Variants in GRAMD1B observed in about 807,000 individuals in gnomAD.
GRAMD1B encodes GRAM domain containing 1B, also known as protein Aster-B.
Under a neutral mutation model 99.7 loss-of-function variants are expected in GRAMD1B, and 37 were observed. That is an observed-to-expected ratio of 0.37 (90% CI 0.29 to 0.49). The LOEUF is 0.49. Ranked by LOEUF, GRAMD1B falls within the 20% of genes least tolerant of loss-of-function variation. The pLI is 0.98. For synonymous variants in GRAMD1B, 427 were observed against 387.6 expected (o/e 1.10, Z -1.19); for missense variants, 888 against 1,009.2 (o/e 0.88, Z 1.63).
At chr11:123,371,957 T>G (rs1946543011) in intron 1 of GRAMD1B, among the ~76,000 whole-genome samples, 1 of 152,154 alleles carries the variant, frequency 6.6e-6, no homozygotes, top group South Asian at 2.1e-4. Flanking sequence ...TCTCTAGGTA[T>G]CTGTGAACAA....
intron 2 of GRAMD1B, among the ~76,000 whole-genome samples, chr11:123,495,833 C>T (rs1208789433): frequency 6.6e-6 from 1 of 152,060 alleles, no homozygotes; most frequent in Non-Finnish European, 1.5e-5. Flanking sequence ...AACAAACTAA[C>T]AAACAAAAAC....
chr11:123,528,257 G>C (rs1943003484), intron 2 of GRAMD1B, among the ~76,000 whole-genome samples: 1 of 152,148 alleles, frequency 6.6e-6, no homozygotes, highest in Non-Finnish European at 1.5e-5. Context: ...CTTGATAGAA[G>C]CAAGATGACC....
intron 1 of GRAMD1B, among the ~76,000 whole-genome samples, chr11:123,368,258 CAAAAAAAAAAA>C (rs1024340450): frequency 1.1e-5 from 1 of 88,306 alleles, no homozygotes; most frequent in South Asian, 4.0e-4. Context: ...CATCTTAAAA[CAAAAAAAAAAA>C]AAAAAAAAAG....
At chr11:123,529,985 GA>G (rs1050598266) in intron 2 of GRAMD1B, among the ~76,000 whole-genome samples, 17 of 147,940 alleles carry the variant, frequency 1.1e-4, no homozygotes, top group African/African-American at 2.0e-4. Flanking sequence ...TTTGATTCTG[GA>G]AAAAAAAAAG....
At chr11:123,526,747 G>A (rs1453464488) in intron 2 of GRAMD1B, among the ~76,000 whole-genome samples, 2 of 152,334 alleles carry the variant, frequency 1.3e-5, no homozygotes, top group South Asian at 2.1e-4. Flanking sequence ...CTCACCTTGG[G>A]CCTTTGCAAG....
intron 2 of GRAMD1B, among the ~76,000 whole-genome samples, chr11:123,502,399 C>T (rs1422345338): frequency 1.3e-5 from 2 of 152,236 alleles, no homozygotes; most frequent in Non-Finnish European, 2.9e-5. Context: ...AGCCCCCTCT[C>T]CCTTCCCTGC....
chr11:123,420,446 G>A (rs1316345722), intron 1 of GRAMD1B, among the ~76,000 whole-genome samples: 3 of 152,178 alleles, frequency 2.0e-5, no homozygotes, highest in Non-Finnish European at 2.9e-5. Context: ...AATATGCCAT[G>A]AAAAGAATAT....
chr11:123,596,504 A>G (rs1951289918), intron 7 of GRAMD1B, among the ~76,000 whole-genome samples: 1 of 152,234 alleles, frequency 6.6e-6, no homozygotes, highest in South Asian at 2.1e-4. Flanking sequence ...TGTCCTTATC[A>G]GTATGGGGAG....
In GRAMD1B at chr11:123,587,110, C is replaced by T. The variant is rs1032824037; in HGVS notation, c.684+2778C>T. Among the ~76,000 whole-genome samples, 9 of 152,230 alleles carry T rather than the reference C, an allele frequency of 5.9e-5. No individual in the cohort carries two copies. Among genetic ancestry groups the T allele is most frequent in the Non-Finnish European group, 1.2e-4 (8 of 68,028 alleles). Reference sequence around the variant, plus strand: ...GTCCATGCCCCAGCCTCCCCTTCACCTGCTGCCTCTCTGCAGAAGACAAAA... The same window carrying T: ...GTCCATGCCCCAGCCTCCCCTTCACTTGCTGCCTCTCTGCAGAAGACAAAA... On this transcript the variant is annotated intron_variant, in intron 4 of 19. Coordinates refer to ENST00000635736, the MANE Select transcript of GRAMD1B (RefSeq NM_001387025.1). The surrounding 1 kb of genome is among the most constrained non-coding windows in gnomAD (Gnocchi z 4.2).
In GRAMD1B at chr11:123,552,825, A is replaced by G. The variant is rs371013004; in HGVS notation, c.453-24542A>G. 4.4e-4 allele frequency among the ~76,000 whole-genome samples: 67 copies of G among 152,332 alleles called. No homozygotes were observed. The South Asian group carries it at 0.013, about 30-fold the overall frequency. ...TGACCCACTGTGCCCTTCATAAAGTACCTACAGCAAGGCCTGGCAATACCT... is the reference window on the plus strand; with the variant it reads ...TGACCCACTGTGCCCTTCATAAAGTGCCTACAGCAAGGCCTGGCAATACCT... On this transcript the variant is annotated intron_variant, in intron 2 of 19. Transcript: ENST00000635736.
At chr11:123,616,821 C>T (rs141032944) in intron 17 of GRAMD1B, among the ~76,000 whole-genome samples, 4 of 152,364 alleles carry the variant, frequency 2.6e-5, no homozygotes, top group African/African-American at 9.6e-5. Context: ...GGATTGCAAA[C>T]ATAAACCCAA....
intron 1 of GRAMD1B, among the ~76,000 whole-genome samples, chr11:123,369,206 T>C (rs1946434418): frequency 6.6e-6 from 1 of 151,846 alleles, no homozygotes; most frequent in Non-Finnish European, 1.5e-5. Context: ...GAGGCTGAAG[T>C]GAGAGAATCA....
intron 2 of GRAMD1B, chr11:123,526,114 A>G: frequency 3.7e-6 from 6 of 1,605,944 alleles, no homozygotes; most frequent in Non-Finnish European, 5.1e-6. Flanking sequence ...CGGGGATGCT[A>G]AGGACACGGT....
At chr11:123,385,963 G>A (rs1005094938) in intron 1 of GRAMD1B, among the ~76,000 whole-genome samples, 1 of 152,146 alleles carries the variant, frequency 6.6e-6, no homozygotes, top group African/African-American at 2.4e-5. Context: ...GGAGGGACGG[G>A]AAAATACTTT....
intron 2 of GRAMD1B, among the ~76,000 whole-genome samples, chr11:123,522,464 G>A (rs747614542): frequency 1.3e-5 from 2 of 152,024 alleles, no homozygotes; most frequent in African/African-American, 2.4e-5. Flanking sequence ...GATTATAGGC[G>A]TGCCCTACCA....
rs77678259 is a variant in GRAMD1B at position 123,406,577 on chromosome 11, T to C, written c.-176+47778T>C. Among the ~76,000 whole-genome samples, 410 of 152,298 alleles carry C rather than the reference T, an allele frequency of 2.7e-3. 16 individuals carry two copies. The East Asian group carries it at 0.067, about 25-fold the overall frequency. ...CATTGTTGTTTTTTAAAGAAATTGT[T>C]AGGGGTGAAGAATTGGATTCACTCT... On this transcript the variant is annotated intron_variant, in intron 1 of 20. Coordinates refer to the GRAMD1B transcript ENST00000638157.
At chr11:123,556,949 C>T (rs116127053) in intron 2 of GRAMD1B, among the ~76,000 whole-genome samples, 18 of 152,318 alleles carry the variant, frequency 1.2e-4, no homozygotes, top group African/African-American at 4.1e-4. Context: ...TTCCTAATGG[C>T]ATGTCAGTAG....
intron 2 of GRAMD1B, among the ~76,000 whole-genome samples, chr11:123,528,032 T>G (rs1420429507): frequency 3.9e-5 from 6 of 152,242 alleles, no homozygotes; most frequent in Non-Finnish European, 8.8e-5. Context: ...TATCTCTGCC[T>G]TGATACTGTT....
chr11:123,547,482 C>T (rs774901735), intron 2 of GRAMD1B, among the ~76,000 whole-genome samples: 89 of 152,138 alleles, frequency 5.8e-4, no homozygotes, highest in Non-Finnish European at 1.9e-4. Context: ...TATGCACTAG[C>T]CTCTTGCAAT....
Sources: gnomAD v4.1 joint callset for allele counts (sites outside exome capture counted in the v4.1 genomes callset) on GRCh38, gnomAD v4.1.1 for gene constraint, Gnocchi (gnomAD v3.1) non-coding constraint, MANE v1.5 for transcripts, NCBI Gene and HGNC (gene_info 2026-07-23, HGNC 2026-07-21) for gene names.